SV2C: variants seen among roughly 807,000 people sequenced by gnomAD.
The protein encoded by SV2C is synaptic vesicle glycoprotein 2C.
In SV2C, 49 loss-of-function variants were observed where a neutral mutation model predicts 79.7. The ratio of observed to expected loss-of-function variants is 0.61; its 90% CI spans 0.49 to 0.78. The LOEUF is 0.78. SV2C is among the 30% of genes least tolerant of loss of function. The probability of loss-of-function intolerance (pLI) is 0.00; values close to 1 mark genes in which losing one functional copy is unlikely to be tolerated. For missense variants in SV2C, 833 were observed against 912.9 expected, an observed-to-expected ratio of 0.91 and a Z score of 1.13; for synonymous variants, 334 against 333.2, an observed-to-expected ratio of 1.00 and a Z score of -0.03.
rs546317209 is a variant in SV2C at position 76,170,148 on chromosome 5, T to G, written c.581-24771T>G. 1.4e-4 allele frequency among the ~76,000 whole-genome samples: 21 copies of G among 151,124 alleles called. 1 individual carries two copies. The highest frequency in any genetic ancestry group is 6.8e-3 in the Middle Eastern group (2 of 294). On this transcript the variant is annotated intron_variant, in intron 2 of 12. Transcript: ENST00000502798. ...TAGTTTACATTTGGCCACCTCAAAG[T>G]AGTTGTAACATTAGGTTGGTCAATT...
chr5:76,007,070 G>C, the SV2C span, among the ~76,000 whole-genome samples: 5 of 152,080 alleles, frequency 3.3e-5, no homozygotes, highest in Non-Finnish European at 5.9e-5. Context: ...CTGCGATGTT[G>C]GATAGTTTCC....
the SV2C span, among the ~76,000 whole-genome samples, chr5:75,932,645 T>C: frequency 2.0e-5 from 3 of 152,234 alleles, no homozygotes; most frequent in Non-Finnish European, 2.9e-5. Flanking sequence ...AGCAAAAGCA[T>C]GTTGTTAAGG....
At chr5:76,143,581 C>T (rs1430870768) in intron 2 of SV2C, among the ~76,000 whole-genome samples, 1 of 152,156 alleles carries the variant, frequency 6.6e-6, no homozygotes, top group Non-Finnish European at 1.5e-5. Context: ...CTCTCAAATA[C>T]ATATTTCTAC....
At chr5:76,292,206 G>A (rs917825645) in intron 8 of SV2C, among the ~76,000 whole-genome samples, 7 of 151,918 alleles carry the variant, frequency 4.6e-5, no homozygotes, top group East Asian at 1.9e-4. Context: ...GGGCCTTTGC[G>A]GTGTTCCTCT....
the SV2C span, among the ~76,000 whole-genome samples, chr5:75,891,307 A>ATGTGAGTT: frequency 3.9e-5 from 6 of 152,102 alleles, no homozygotes; most frequent in Non-Finnish European, 5.9e-5. Flanking sequence ...TTTGTCTATC[A>ATGTGAGTT]TGTGAGTTTG....
At chr5:76,169,947 G>A (rs36145946) in intron 2 of SV2C, among the ~76,000 whole-genome samples, 14,920 of 151,956 alleles carry the variant, frequency 0.098, 907 homozygotes, top group Non-Finnish European at 0.13. Flanking sequence ...GCTATTAGAA[G>A]TCAAACTATA....
At chr5:76,351,925 A>G (rs9654430) in intron 12 of SV2C, among the ~76,000 whole-genome samples, 50,695 of 152,120 alleles carry the variant, frequency 0.33, 10,973 homozygotes, top group Non-Finnish European at 0.5. Flanking sequence ...TTAAAAAAAA[A>G]TCGGCTGCTG....
intron 2 of SV2C, among the ~76,000 whole-genome samples, chr5:76,142,813 A>G (rs1262204932): frequency 2.6e-5 from 4 of 152,194 alleles, no homozygotes; most frequent in Non-Finnish European, 1.5e-5. Context: ...TGGAAATGCC[A>G]GACAACACAG....
chr5:76,117,987 A>G (rs1284842562), intron 1 of SV2C, among the ~76,000 whole-genome samples: 1 of 152,220 alleles, frequency 6.6e-6, no homozygotes, highest in African/African-American at 2.4e-5. Context: ...TATCCTTCCT[A>G]TATGAAGAGC....
intron 1 of SV2C, among the ~76,000 whole-genome samples, chr5:76,089,900 G>A (rs949548889): frequency 3.3e-5 from 5 of 152,200 alleles, no homozygotes; most frequent in Non-Finnish European, 7.3e-5. Context: ...GACAGCATAA[G>A]GAGAATATAC....
intron 6 of SV2C, among the ~76,000 whole-genome samples, chr5:76,288,429 A>G (rs1261944241): frequency 6.6e-6 from 1 of 152,214 alleles, no homozygotes; most frequent in African/African-American, 2.4e-5. Context: ...AAGGCCTGGA[A>G]GCTTTTGAGG....
the SV2C span, chr5:75,911,956 G>A: frequency 2.6e-4 from 95 of 366,178 alleles, no homozygotes; most frequent in East Asian, 3.6e-3. Context: ...AGATATAAGA[G>A]CCAGCAACCA....
rs565832483 is a variant in SV2C, at chr5:76,260,036, G to A, written c.914-25126G>A. Among the ~76,000 whole-genome samples, 3 of 152,244 alleles carry A rather than the reference G, an allele frequency of 2.0e-5. No homozygotes were observed. The East Asian group carries it at 5.8e-4, about 29-fold the overall frequency. ...GAAGTTGCCACACTGCTTCCACAATGGTCGAACTAATTAAACTCCCACTAA... is the reference window on the plus strand; with the variant it reads ...GAAGTTGCCACACTGCTTCCACAATAGTCGAACTAATTAAACTCCCACTAA... On this transcript the variant is annotated intron_variant, in intron 4 of 12. Coordinates refer to ENST00000502798, the MANE Select transcript of SV2C (RefSeq NM_014979.4).
At chr5:76,034,185 C>T in the SV2C span, among the ~76,000 whole-genome samples, 1 of 151,502 alleles carries the variant, frequency 6.6e-6, no homozygotes, top group Non-Finnish European at 1.5e-5. Context: ...ACAATCATGT[C>T]ATCTGCAAAC....
At chr5:76,108,457 A>AT (rs1263482674) in intron 1 of SV2C, among the ~76,000 whole-genome samples, 1 of 152,236 alleles carries the variant, frequency 6.6e-6, no homozygotes, top group Non-Finnish European at 1.5e-5. Context: ...GAGTCCGAGT[A>AT]TTAGAGACAT....
chr5:76,178,090 G>T (rs1455993624), intron 2 of SV2C, among the ~76,000 whole-genome samples: 1 of 152,158 alleles, frequency 6.6e-6, no homozygotes, highest in African/African-American at 2.4e-5. Context: ...GACCTCTTCA[G>T]CATATCAGTC....
chr5:76,341,743 G>C (rs896642105), intron 12 of SV2C, among the ~76,000 whole-genome samples: 2 of 152,052 alleles, frequency 1.3e-5, no homozygotes, highest in Non-Finnish European at 2.9e-5. Flanking sequence ...TAGCCGCTGT[G>C]ATTAGCACTA....
intron 9 of SV2C, among the ~76,000 whole-genome samples, chr5:76,297,385 T>C (rs1038537026): frequency 1.3e-5 from 2 of 152,116 alleles, no homozygotes; most frequent in African/African-American, 2.4e-5. Context: ...CTGACAACAA[T>C]GGTTATTCTG....
the SV2C span, among the ~76,000 whole-genome samples, chr5:75,990,035 C>G: frequency 6.6e-6 from 1 of 150,794 alleles, no homozygotes; most frequent in African/African-American, 2.4e-5. Flanking sequence ...GAATATCAGG[C>G]CTTTGTCAGG....
Sources: allele counts gnomAD v4.1 joint callset (sites outside exome capture counted in the v4.1 genomes callset), GRCh38; gene constraint gnomAD v4.1.1; transcripts MANE v1.5; gene names NCBI Gene and HGNC (gene_info 2026-07-23, HGNC 2026-07-21).